The following NME7 variants were observed in gnomAD, a reference collection of about 807,000 sequenced individuals.
The protein encoded by NME7 is NME/NM23 family member 7, also known as nucleoside diphosphate kinase 7.
In NME7, 41 loss-of-function variants were observed where a neutral mutation model predicts 49.1. The observed-to-expected ratio is 0.83, with a 90% confidence interval of 0.65 to 1.08. The LOEUF (loss-of-function observed/expected upper bound fraction) is 1.08. Ranked by LOEUF, NME7 falls within the 50% of genes least tolerant of loss-of-function variation. The pLI is 0.00. For missense variants in NME7, 423 were observed against 463.4 expected, an observed-to-expected ratio of 0.91 and a Z score of 0.80; for synonymous variants, 139 against 150.6, an observed-to-expected ratio of 0.92 and a Z score of 0.56.
chr1:169,198,752 G>A (rs1379791451), intron 10 of NME7, among the ~76,000 whole-genome samples: 1 of 152,022 alleles, frequency 6.6e-6, no homozygotes, highest in Non-Finnish European at 1.5e-5. Flanking sequence ...TATAGGGCTT[G>A]TTTTTGAAGT....
intron 1 of NME7, among the ~76,000 whole-genome samples, chr1:169,345,793 C>T (rs1652932145): frequency 6.6e-6 from 1 of 152,168 alleles, no homozygotes; most frequent in South Asian, 2.1e-4. Flanking sequence ...ATCTATCCAA[C>T]TGCCTTTTAT....
At chr1:169,324,791 G>A (rs1651997141) in intron 1 of NME7, among the ~76,000 whole-genome samples, 1 of 152,118 alleles carries the variant, frequency 6.6e-6, no homozygotes, top group Non-Finnish European at 1.5e-5. Context: ...GAGAACATGA[G>A]CTCCTGATTT....
intron 7 of NME7, among the ~76,000 whole-genome samples, chr1:169,278,600 CA>C (rs770376210): frequency 6.6e-6 from 1 of 152,232 alleles, no homozygotes; most frequent in South Asian, 2.1e-4. Context: ...AAATTTTTTT[CA>C]AAGTTTTCAC....
intron 1 of NME7, among the ~76,000 whole-genome samples, chr1:169,339,891 T>A (rs951247458): frequency 2.6e-5 from 4 of 152,184 alleles, no homozygotes; most frequent in African/African-American, 9.7e-5. Context: ...CCAGATCACA[T>A]TGGTTAAGTT....
intron 3 of NME7, among the ~76,000 whole-genome samples, chr1:169,321,099 G>A (rs891219977): frequency 6.6e-6 from 1 of 152,168 alleles, no homozygotes; most frequent in African/African-American, 2.4e-5. Context: ...AGGTCAGACT[G>A]TTAACCCTGA....
At position 169,264,674 on chromosome 1, in the gene NME7, C is replaced by A. The variant is rs1352198350; in HGVS notation, c.754+22629G>T. ...CATACACAATAATAGTGGGAGACAT[C>A]AACACCCTACTGACAGTAATAGATC... On this transcript the variant is annotated intron_variant, in intron 7 of 11. Coordinates refer to ENST00000367811, the MANE Select transcript of NME7 (RefSeq NM_013330.5). 2.3e-5 allele frequency among the ~76,000 whole-genome samples: 3 copies of A among 132,944 alleles called. 1 individual carries two copies. The highest frequency in any genetic ancestry group is 5.3e-5 in the Non-Finnish European group (3 of 56,562). The allele number at this position is 132,944 out of a possible 152,430, so 87.2% of individuals were successfully genotyped here. A position where few individuals can be genotyped will look rare whatever the true frequency, so the allele number is the denominator to read the frequency against.
intron 10 of NME7, among the ~76,000 whole-genome samples, chr1:169,201,231 T>C (rs1324551532): frequency 1.3e-5 from 2 of 151,844 alleles, no homozygotes; most frequent in African/African-American, 4.8e-5. Context: ...ACTGTCTCAA[T>C]AAATAAATAA....
chr1:169,233,657 C>A (rs981287927), intron 9 of NME7, among the ~76,000 whole-genome samples: 1 of 152,132 alleles, frequency 6.6e-6, no homozygotes, highest in Non-Finnish European at 1.5e-5. Flanking sequence ...GTACTCATAA[C>A]TCTACTCATT....
At position 169,342,577 on chromosome 1, in the gene NME7, TATATATATATATACAAGTACATATATATA is replaced by T. The variant is rs1557831212; in HGVS notation, c.4-18106_4-18078del. ...TATATATACAAGTACATATATATAG[TATATATATATATACAAGTACATATATATA>T]GTATATATATATACAAGTACATATA... On this transcript the variant is annotated intron_variant, in intron 1 of 11. Transcript: ENST00000367811. Among the ~76,000 whole-genome samples, 75 of 58,966 alleles carry T rather than the reference TATATATATATATACAAGTACATATATATA, an allele frequency of 1.3e-3. 12 individuals are homozygous for T. In the East Asian group the frequency reaches 0.016, roughly 13 times the overall value. 38.7% of individuals were successfully genotyped at this position (58,966 alleles called of 152,430 possible).
intron 10 of NME7, among the ~76,000 whole-genome samples, chr1:169,178,206 T>A (rs1459579679): frequency 3.9e-5 from 6 of 152,148 alleles, no homozygotes; most frequent in African/African-American, 1.4e-4. Context: ...ATGTGATCGA[T>A]TCTACAGAGT....
chr1:169,232,912 C>CTTTTTTTTTTTTTTTTTTTT (rs10545228), intron 9 of NME7, among the ~76,000 whole-genome samples: 134 of 74,528 alleles, frequency 1.8e-3, no homozygotes, highest in East Asian at 4.3e-3. Flanking sequence ...GTTTTCTTTT[C>CTTTTTTTTTTTTTTTTTTTT]TTTTTTTTTT....
At chr1:169,297,341 T>C (rs948559170) in intron 6 of NME7, among the ~76,000 whole-genome samples, 2 of 152,150 alleles carry the variant, frequency 1.3e-5, no homozygotes, top group African/African-American at 4.8e-5. Flanking sequence ...ATATCAGTCC[T>C]TTGTTCAAAA....
intron 11 of NME7, among the ~76,000 whole-genome samples, chr1:169,166,663 G>A (rs1286648171): frequency 2.0e-5 from 3 of 152,124 alleles, no homozygotes; most frequent in Non-Finnish European, 4.4e-5. Context: ...TAAAGACCTC[G>A]GTAAAAAGTC....
rs1411731971 is a variant in NME7, at chr1:169,228,977, C to T, written c.990+1741G>A. Among the ~76,000 whole-genome samples the T allele has an allele frequency of 1.8e-4, 27 of 152,324 alleles. 1 individual carries two copies. The highest frequency in any genetic ancestry group is 3.8e-4 in the Non-Finnish European group (26 of 68,020). ...ATATAAAGGAGGTCCTGCCGACTTT[C>T]TCTATTGATGTCATCAGGTCTGTCT... On this transcript the variant is annotated intron_variant, in intron 10 of 11. Transcript: ENST00000367811.
intron 6 of NME7, among the ~76,000 whole-genome samples, 185 bp downstream of exon 6, chr1:169,298,371 T>A (rs1371801438): frequency 6.6e-6 from 1 of 152,188 alleles, no homozygotes; most frequent in East Asian, 1.9e-4. Flanking sequence ...ATGATCAGGT[T>A]ACCAGTTCAC....
chr1:169,324,640 CA>C, intron 1 of NME7, 140 bp from the exon 2 acceptor site: 1 of 591,654 alleles, frequency 1.7e-6, no homozygotes, highest in Non-Finnish European at 3.0e-6. Flanking sequence ...TGCTTTTCAA[CA>C]AAGTATCAGT....
chr1:169,271,577 C>T (rs1649493579), intron 7 of NME7, among the ~76,000 whole-genome samples: 1 of 132,960 alleles, frequency 7.5e-6, no homozygotes, highest in Admixed American at 7.5e-5. Context: ...CTCTCCCTTG[C>T]AGAGTCTACT....
At chr1:169,302,204 T>G (rs1650968322) in intron 5 of NME7, 2 of 152,186 alleles carry the variant, frequency 1.3e-5, no homozygotes, top group South Asian at 4.1e-4. Context: ...TGGAGTTTTT[T>G]CAAAGGACTT....
chr1:169,279,320 T>C (rs1281197666), intron 7 of NME7, among the ~76,000 whole-genome samples: 2 of 152,230 alleles, frequency 1.3e-5, no homozygotes, highest in African/African-American at 2.4e-5. Context: ...GCAGGCCTCC[T>C]TGAGCTGTGG....
Sources: gnomAD v4.1 joint callset for allele counts (sites outside exome capture counted in the v4.1 genomes callset) on GRCh38, gnomAD v4.1.1 for gene constraint, MANE v1.5 for transcripts, NCBI Gene and HGNC (gene_info 2026-07-23, HGNC 2026-07-21) for gene names.